Variants in RIMS1 observed in about 807,000 individuals in gnomAD.
RIMS1 encodes the protein regulating synaptic membrane exocytosis 1.
A neutral mutation model predicts 214.1 loss-of-function variants in RIMS1; 83 were observed. The observed-to-expected ratio is 0.39, with a 90% CI of 0.32 to 0.47. The LOEUF (loss-of-function observed/expected upper bound fraction) is 0.47, where lower values mean the gene tolerates loss of function less well. RIMS1 is among the 20% of genes least tolerant of loss of function. The pLI, the probability that RIMS1 is intolerant of heterozygous loss-of-function variation, is 0.99. For missense variants in RIMS1, 2,050 were observed against 2,161.8 expected, an observed-to-expected ratio of 0.95 and a Z score of 1.03; for synonymous variants, 793 against 786.8, an observed-to-expected ratio of 1.01 and a Z score of -0.13.
At chr6:72,247,435 T>C (rs2154127083) in intron 11 of RIMS1, among the ~76,000 whole-genome samples, 1 of 150,484 alleles carries the variant, frequency 6.6e-6, no homozygotes, top group South Asian at 2.1e-4. Context: ...CTCAGGAGGC[T>C]GAGGCAGAAG....
chr6:72,344,876 A>G lies in RIMS1; in HGVS notation c.4366+11041A>G, dbSNP rs183700520. On this transcript the variant is annotated intron_variant, in intron 29 of 33. Transcript: ENST00000521978. ...TTACGTTTGGCTAAGATATAGATAT[A>G]CTTTTAGGTTGGCTTGGCAGAAAAA... Among the ~76,000 whole-genome samples the G allele has an allele frequency of 3.3e-5, 5 of 151,906 alleles. No homozygotes were observed. The East Asian group carries it at 9.7e-4, about 30-fold the overall frequency.
At chr6:72,079,833 G>A (rs1302025676) in intron 2 of RIMS1, among the ~76,000 whole-genome samples, 1 of 151,904 alleles carries the variant, frequency 6.6e-6, no homozygotes, top group Non-Finnish European at 1.5e-5. Flanking sequence ...ACAGTGAGCT[G>A]TGATTGTGTC....
intron 23 of RIMS1, among the ~76,000 whole-genome samples, chr6:72,282,011 A>G (rs1402453093): frequency 1.3e-5 from 2 of 151,824 alleles, no homozygotes; most frequent in East Asian, 1.9e-4. Context: ...TGCCTAGTAT[A>G]TATACATGCA....
chr6:72,196,646 G>T, intron 6 of RIMS1, among the ~76,000 whole-genome samples: 1 of 130,902 alleles, frequency 7.6e-6, no homozygotes, highest in African/African-American at 3.0e-5. Flanking sequence ...CTCTTCAAAT[G>T]GCTGTCAAAT....
chr6:72,081,237 T>C (rs1833300402), intron 2 of RIMS1, among the ~76,000 whole-genome samples: 1 of 152,116 alleles, frequency 6.6e-6, no homozygotes, highest in African/African-American at 2.4e-5. Context: ...TGACCAAAAA[T>C]AGATAAAATA....
rs886061708 is a variant in RIMS1 at position 72,233,798 on chromosome 6, T to G, written c.1704T>G (p.Asp568Glu). The G allele has an allele frequency of 5.1e-6, 8 of 1,580,030 alleles. No individual in the cohort carries two copies. The highest frequency in any genetic ancestry group is 1.2e-5 in the South Asian group (1 of 86,456). Residue 568 changes from aspartate to glutamate, a missense_variant, in exon 7 of 34, where the codon GAT becomes GAG. Physicochemically the swap from Asp to Glu is conservative, Grantham distance 45. This residue lies in a region of RIMS1 where 882 missense variants were observed against 828.9 expected (regional missense o/e 1.06). Transcript: ENST00000521978. ...GTGATTTGGATTATTACTGGTTGGATCCTGCCACGTGGCACAGCCGGGAGA... is the reference window on the plus strand; with the variant it reads ...GTGATTTGGATTATTACTGGTTGGAGCCTGCCACGTGGCACAGCCGGGAGA... Reference protein sequence around the residue: ...EKGDLDYYWLDPATWHSRETS... With the variant: ...EKGDLDYYWLEPATWHSRETS...
At chr6:71,888,336 G>A (rs1289404334) in intron 1 of RIMS1, among the ~76,000 whole-genome samples, 1 of 152,162 alleles carries the variant, frequency 6.6e-6, no homozygotes, top group African/African-American at 2.4e-5. Flanking sequence ...GGTGTCCCCT[G>A]CTTAGGCTGG....
chr6:71,910,587 G>A lies in RIMS1; in HGVS notation c.164+23400G>A, dbSNP rs117304705. Among the ~76,000 whole-genome samples the A allele has an allele frequency of 9.2e-5, 14 of 152,154 alleles. No individual in the cohort carries two copies. In the East Asian group the frequency reaches 2.3e-3, roughly 25 times the overall value. On this transcript the variant is annotated intron_variant, in intron 1 of 33. Coordinates refer to ENST00000521978, the MANE Select transcript of RIMS1 (RefSeq NM_014989.7). The stretch of plus-strand genomic sequence containing the variant: ...GCACCTACTCCCTTCACTGTGTTCT[G>A]TATCCCTCATTATCCAGGATTGATT...
At chr6:72,363,071 T>C (rs532738802) in intron 29 of RIMS1, among the ~76,000 whole-genome samples, 63 of 152,178 alleles carry the variant, frequency 4.1e-4, no homozygotes, top group African/African-American at 1.4e-3. Context: ...GCCCTGTGAG[T>C]GTCCTACACG....
At chr6:72,131,447 G>C (rs2040419830) in intron 4 of RIMS1, among the ~76,000 whole-genome samples, 1 of 152,130 alleles carries the variant, frequency 6.6e-6, no homozygotes, top group Non-Finnish European at 1.5e-5. Context: ...TGGGCGTCCG[G>C]GGGAGACATC....
At chr6:71,934,978 T>C (rs1784055266) in intron 1 of RIMS1, among the ~76,000 whole-genome samples, 1 of 152,134 alleles carries the variant, frequency 6.6e-6, no homozygotes, top group Non-Finnish European at 1.5e-5. Flanking sequence ...AACCCTAAAA[T>C]TGAACTATTT....
chr6:72,006,341 T>C (rs1807616870), intron 2 of RIMS1, among the ~76,000 whole-genome samples: 2 of 152,168 alleles, frequency 1.3e-5, no homozygotes, highest in African/African-American at 4.8e-5. Context: ...AAGTTGAGAC[T>C]TGGAGGGCGG....
intron 9 of RIMS1, 27 bp downstream of exon 9, chr6:72,237,949 A>T (rs1192664454): frequency 1.3e-6 from 2 of 1,513,468 alleles, no homozygotes; most frequent in East Asian, 2.3e-5. Context: ...TAATATTTAA[A>T]CAGTGTGTTC....
At chr6:72,209,677 G>A (rs918676913) in intron 6 of RIMS1, among the ~76,000 whole-genome samples, 36 of 152,066 alleles carry the variant, frequency 2.4e-4, no homozygotes, top group African/African-American at 8.5e-4. Flanking sequence ...CAAGGCGGAT[G>A]GATCACGAGG....
chr6:72,261,058 A>C (rs1399397147), intron 19 of RIMS1: 2 of 1,223,962 alleles, frequency 1.6e-6, no homozygotes, highest in Non-Finnish European at 2.1e-6. Flanking sequence ...TGCAATTAAA[A>C]TTCTAAATGC....
chr6:72,230,012 C>G (rs2061454414), intron 6 of RIMS1, among the ~76,000 whole-genome samples: 1 of 151,644 alleles, frequency 6.6e-6, no homozygotes, highest in Non-Finnish European at 1.5e-5. Flanking sequence ...TCATTCAGTT[C>G]CAACTCACAT....
intron 4 of RIMS1, among the ~76,000 whole-genome samples, chr6:72,162,714 C>T (rs1330496407): frequency 7.1e-6 from 1 of 140,374 alleles, no homozygotes; most frequent in Non-Finnish European, 1.6e-5. Flanking sequence ...TGAATATTGG[C>T]CCCCACTGTC....
chr6:72,178,753 A>G (rs555218776), intron 4 of RIMS1, among the ~76,000 whole-genome samples: 1 of 152,324 alleles, frequency 6.6e-6, no homozygotes, highest in African/African-American at 2.4e-5. Flanking sequence ...TTATTATGAT[A>G]ATCGTCCTCA....
chr6:72,340,764 G>A (rs1192608181), intron 29 of RIMS1, among the ~76,000 whole-genome samples: 2 of 151,900 alleles, frequency 1.3e-5, no homozygotes, highest in South Asian at 2.1e-4. Flanking sequence ...TTGGCAATGC[G>A]GGCTCTTTTT....
Sources: gnomAD v4.1 joint callset for allele counts (sites outside exome capture counted in the v4.1 genomes callset) on GRCh38, gnomAD v4.1.1 for gene constraint, gnomAD v4.1.1 regional missense constraint, MANE v1.5 for transcripts, NCBI Gene and HGNC (gene_info 2026-07-23, HGNC 2026-07-21) for gene names.